TRPC4AP: variants seen among roughly 807,000 people sequenced by gnomAD.
TRPC4AP encodes the protein short transient receptor potential channel 4-associated protein.
A neutral mutation model predicts 99.0 loss-of-function variants in TRPC4AP; 45 were observed. The observed-to-expected ratio is 0.45, with a 90% CI of 0.36 to 0.58. TRPC4AP has a LOEUF of 0.58. TRPC4AP is among the 20% of genes least tolerant of loss of function. The probability of loss-of-function intolerance (pLI) is 0.00; values close to 1 mark genes in which losing one functional copy is unlikely to be tolerated. For missense variants in TRPC4AP, 879 were observed against 985.3 expected (o/e 0.89, Z 1.44); for synonymous variants, 408 against 385.8 (o/e 1.06, Z -0.67).
In TRPC4AP at chr20:35,082,405, T is replaced by C. The variant is rs574444926; in HGVS notation, c.169-4231A>G. Among the ~76,000 whole-genome samples the C allele has an allele frequency of 2.2e-4, 34 of 152,320 alleles. No individual in the cohort carries two copies. In the South Asian group the frequency reaches 6.6e-3, roughly 30 times the overall value. On this transcript the variant is annotated intron_variant, in intron 1 of 18. Transcript: ENST00000252015. Reference sequence around the variant, plus strand: ...TTTAAATGAACTGAAATACAGACTATGTTCCACATCAGAAAGATAGTTATA... The same window carrying C: ...TTTAAATGAACTGAAATACAGACTACGTTCCACATCAGAAAGATAGTTATA...
intron 1 of TRPC4AP, 60 bp downstream of exon 1, chr20:35,092,554 G>GGC: frequency 1.4e-6 from 2 of 1,402,342 alleles, no homozygotes; most frequent in South Asian, 1.5e-5. Context: ...CTCTTCCCCG[G>GGC]CCCCCCGCCA....
At chr20:35,083,960 TTTA>T (rs1249186329) in intron 1 of TRPC4AP, among the ~76,000 whole-genome samples, 2 of 148,276 alleles carry the variant, frequency 1.3e-5, no homozygotes, top group East Asian at 3.9e-4. Flanking sequence ...AAATGATTTC[TTTA>T]AAAAAAAAAA....
intron 7 of TRPC4AP, among the ~76,000 whole-genome samples, chr20:35,037,075 G>A (rs577813436): frequency 3.9e-5 from 6 of 152,148 alleles, no homozygotes; most frequent in South Asian, 2.1e-4. Context: ...GGCCAGGCAC[G>A]GTGGCTCACG....
At chr20:35,024,854 A>AAAAAAACAAAAAACAT (rs1479270980) in intron 8 of TRPC4AP, among the ~76,000 whole-genome samples, 1 of 89,480 alleles carries the variant, frequency 1.1e-5, no homozygotes, top group Non-Finnish European at 2.3e-5. Flanking sequence ...AAAAAAAAAA[A>AAAAAAACAAAAAACAT]ATTCTGTTTA....
Position 35,002,593 on chromosome 20 carries a change from A to C in TRPC4AP, c.*553T>G, listed in dbSNP as rs1600487054. 5.5e-6 allele frequency: 1 copy of C among 183,232 alleles called. No individual in the cohort carries two copies. The highest frequency in any genetic ancestry group is 1.1e-5 in the Non-Finnish European group (1 of 88,946). The allele number at this position is 183,232 out of a possible 1,614,324, so 11.4% of individuals were successfully genotyped here. On this transcript the variant is annotated 3_prime_UTR_variant, in exon 19 of 19. Coordinates refer to ENST00000252015, the MANE Select transcript of TRPC4AP (RefSeq NM_015638.3). The stretch of plus-strand genomic sequence containing the variant: ...GGAAAGGCCCCTCACTTCTGGGAGA[A>C]CCCCCTTGGATGAACACAGCGGCCA...
chr20:35,022,787 G>A (rs761574683), intron 8 of TRPC4AP, among the ~76,000 whole-genome samples: 1 of 152,188 alleles, frequency 6.6e-6, no homozygotes, highest in African/African-American at 2.4e-5. Context: ...TTGGGAGGCC[G>A]AGGCAGGTGG....
chr20:35,076,171 C>G lies in TRPC4AP; in HGVS notation c.297+1875G>C, dbSNP rs983705133. Among the ~76,000 whole-genome samples, 4 of 152,120 alleles carry G rather than the reference C, an allele frequency of 2.6e-5. 1 individual carries two copies. Among genetic ancestry groups the G allele is most frequent in the Non-Finnish European group, 4.4e-5 (3 of 68,022 alleles). On this transcript the variant is annotated intron_variant, in intron 2 of 18. Transcript: ENST00000252015. ...GTTAGCCATTCGTCTAATCTTTTGT[C>G]AAGGTTTTTAGCTTCTTTATGATGG...
Position 35,021,187 on chromosome 20 carries a change from C to T in TRPC4AP, c.1218+3G>A. ...TGTCCTGAGACGCTGGAGAGGGGCC[C>T]ACCTGGTTTCGCTGACGCCCCATCA... On this transcript the variant is annotated splice_donor_region_variant and intron_variant, in intron 9 of 18. Coordinates refer to ENST00000252015, the MANE Select transcript of TRPC4AP (RefSeq NM_015638.3). 6.2e-7 allele frequency: 1 copy of T among 1,609,932 alleles called. No homozygotes were observed. Among genetic ancestry groups the T allele is most frequent in the Non-Finnish European group, 8.5e-7 (1 of 1,176,974 alleles).
At chr20:35,053,315 C>A in intron 5 of TRPC4AP, among the ~76,000 whole-genome samples, 1 of 152,176 alleles carries the variant, frequency 6.6e-6, no homozygotes, top group Non-Finnish European at 1.5e-5. Flanking sequence ...ATATTTGTAC[C>A]CATTAATCAA....
intron 1 of TRPC4AP, 33 bp from the exon 2 acceptor site, chr20:35,078,207 G>A: frequency 3.7e-6 from 6 of 1,602,968 alleles, no homozygotes; most frequent in Non-Finnish European, 4.3e-6. Flanking sequence ...ACATATTATT[G>A]TATTATTGAT....
intron 16 of TRPC4AP, 42 bp from the exon 17 acceptor site, chr20:35,004,612 C>T: frequency 6.3e-7 from 1 of 1,580,118 alleles, no homozygotes; most frequent in Non-Finnish European, 8.7e-7. Flanking sequence ...GGCTTAGGCC[C>T]AGTGGCTGGG....
intron 4 of TRPC4AP, 50 bp downstream of exon 4, chr20:35,057,464 C>T (rs369762574): frequency 5.4e-6 from 8 of 1,478,198 alleles, no homozygotes; most frequent in Non-Finnish European, 5.6e-6. Flanking sequence ...GAACTGCCAC[C>T]GTATCGGCAG....
At chr20:35,076,646 C>T (rs2084487737) in intron 2 of TRPC4AP, among the ~76,000 whole-genome samples, 1 of 152,268 alleles carries the variant, frequency 6.6e-6, no homozygotes, top group Non-Finnish European at 1.5e-5. Context: ...GAGGGGCACC[C>T]GGCTGTATGA....
intron 4 of TRPC4AP, 55 bp from the exon 5 acceptor site, chr20:35,055,086 C>G (rs1432204006): frequency 1.3e-6 from 2 of 1,490,140 alleles, no homozygotes; most frequent in Non-Finnish European, 1.9e-6. Context: ...GATAGTACAA[C>G]AGTTACCACA....
At chr20:35,004,636 T>G in intron 16 of TRPC4AP, 66 bp from the exon 17 acceptor site, 2 of 1,380,308 alleles carry the variant, frequency 1.4e-6, no homozygotes, top group Non-Finnish European at 2.0e-6. Context: ...CCCAGGCCTT[T>G]CGTGGAGCCC....
chr20:35,076,427 T>C (rs6088702), intron 2 of TRPC4AP, among the ~76,000 whole-genome samples: 1 of 152,224 alleles, frequency 6.6e-6, no homozygotes, highest in Non-Finnish European at 1.5e-5. Context: ...GATGGTGACA[T>C]ACAGATGGGG....
intron 2 of TRPC4AP, among the ~76,000 whole-genome samples, chr20:35,071,753 A>G (rs2084322228): frequency 6.6e-6 from 1 of 152,190 alleles, no homozygotes; most frequent in Admixed American, 6.5e-5. Context: ...ATACACGTGC[A>G]TGTGTCTTTA....
At chr20:35,076,544 G>A (rs1405020357) in intron 2 of TRPC4AP, among the ~76,000 whole-genome samples, 2 of 152,200 alleles carry the variant, frequency 1.3e-5, no homozygotes, top group African/African-American at 4.8e-5. Context: ...GACCCTGTTT[G>A]TCTGGGTATC....
intron 16 of TRPC4AP, 31 bp from the exon 17 acceptor site, chr20:35,004,601 A>G: frequency 6.3e-7 from 1 of 1,598,770 alleles, no homozygotes; most frequent in Non-Finnish European, 8.6e-7. Flanking sequence ...GCAGCAGGTC[A>G]GGCTTAGGCC....
Sources: allele counts gnomAD v4.1 joint callset (sites outside exome capture counted in the v4.1 genomes callset), GRCh38; gene constraint gnomAD v4.1.1; transcripts MANE v1.5; gene names NCBI Gene and HGNC (gene_info 2026-07-23, HGNC 2026-07-21).